MOB1B: variants seen among roughly 807,000 people sequenced by gnomAD.
The protein encoded by MOB1B is MOB1 Mps One Binder homolog B.
In MOB1B, 19 loss-of-function variants were observed where a neutral mutation model predicts 24.4. That is an observed-to-expected ratio of 0.78 (90% CI 0.54 to 1.14). MOB1B has a LOEUF of 1.14. Ranked by LOEUF, MOB1B falls within the 50% of genes most tolerant of loss-of-function variation. The pLI is 0.00. For synonymous variants in MOB1B, 76 were observed against 82.1 expected, an observed-to-expected ratio of 0.93 and a Z score of 0.40; for missense variants, 243 against 259.6, an observed-to-expected ratio of 0.94 and a Z score of 0.44.
chr4:70,919,783 G>A (rs1269176081), intron 1 of MOB1B, among the ~76,000 whole-genome samples: 1 of 152,186 alleles, frequency 6.6e-6, no homozygotes, highest in Non-Finnish European at 1.5e-5. Context: ...ACAGGCGTGA[G>A]CCACCACACC....
intron 3 of MOB1B, among the ~76,000 whole-genome samples, chr4:70,972,523 T>G (rs1738798930): frequency 6.6e-6 from 1 of 152,096 alleles, no homozygotes; most frequent in Non-Finnish European, 1.5e-5. Flanking sequence ...CCTCAGTTAC[T>G]GATTTTTATT....
chr4:70,933,236 G>A (rs545134908), intron 1 of MOB1B, among the ~76,000 whole-genome samples: 23 of 152,198 alleles, frequency 1.5e-4, no homozygotes, highest in South Asian at 6.2e-4. Flanking sequence ...AACAGCAAGC[G>A]GGAAGTCCAT....
intron 1 of MOB1B, among the ~76,000 whole-genome samples, chr4:70,930,001 C>T (rs1225403454): frequency 6.6e-6 from 1 of 152,002 alleles, no homozygotes; most frequent in African/African-American, 2.4e-5. Flanking sequence ...GCAATTCACC[C>T]GTCTCAGCCT....
intron 1 of MOB1B, among the ~76,000 whole-genome samples, chr4:70,910,794 T>C (rs1276617929): frequency 6.6e-6 from 1 of 152,078 alleles, no homozygotes; most frequent in Non-Finnish European, 1.5e-5. Flanking sequence ...GAATCTTTTT[T>C]TTTTTGTTTT....
intron 1 of MOB1B, among the ~76,000 whole-genome samples, chr4:70,954,998 C>T (rs1737981049): frequency 6.6e-6 from 1 of 151,862 alleles, no homozygotes; most frequent in Non-Finnish European, 1.5e-5. Flanking sequence ...GTTGGCCAGG[C>T]TGGTCTCAAA....
intron 1 of MOB1B, among the ~76,000 whole-genome samples, chr4:70,937,651 A>C (rs1737137691): frequency 6.6e-6 from 1 of 151,990 alleles, no homozygotes; most frequent in African/African-American, 2.4e-5. Flanking sequence ...AGCTGGGACT[A>C]CAGGCACGAG....
intron 2 of MOB1B, among the ~76,000 whole-genome samples, chr4:70,965,196 C>T (rs1426569864): frequency 1.4e-5 from 2 of 147,182 alleles, no homozygotes; most frequent in Non-Finnish European, 3.0e-5. Context: ...GCTTGGGAGG[C>T]TGAAGCAGGA....
intron 2 of MOB1B, among the ~76,000 whole-genome samples, chr4:70,964,408 A>T (rs1738432047): frequency 1.3e-5 from 2 of 152,374 alleles, no homozygotes; most frequent in South Asian, 4.1e-4. Context: ...TATGTTTGGA[A>T]AAAGTAAATC....
In MOB1B at chr4:70,909,699, G is replaced by C. The variant is rs531408239; in HGVS notation, c.14+7149G>C. Among the ~76,000 whole-genome samples the C allele has an allele frequency of 1.1e-4, 16 of 152,028 alleles. No individual in the cohort carries two copies. In the South Asian group the frequency reaches 1.9e-3, roughly 18 times the overall value. On this transcript the variant is annotated intron_variant, in intron 1 of 5. Transcript: ENST00000309395. ...TAGTGTAGCTGGAATTTGAGTCCTG[G>C]AAGTCTAGGTCCAGAGATCCTGTCT...
intron 1 of MOB1B, among the ~76,000 whole-genome samples, chr4:70,915,922 C>T (rs1033339044): frequency 7.9e-5 from 12 of 152,000 alleles, no homozygotes; most frequent in Non-Finnish European, 1.6e-4. Context: ...TTGATGGTCT[C>T]TAGGCGAGAG....
intron 1 of MOB1B, among the ~76,000 whole-genome samples, chr4:70,954,841 A>G (rs1737975576): frequency 6.6e-6 from 1 of 151,438 alleles, no homozygotes; most frequent in Admixed American, 6.6e-5. Context: ...ATATGTCTAT[A>G]ATCCCAGCTA....
At chr4:70,958,616 T>G in intron 1 of MOB1B, 3 of 523,406 alleles carry the variant, frequency 5.7e-6, no homozygotes, top group Non-Finnish European at 1.1e-5. Context: ...AACTAAAACA[T>G]CATGGAAGTA....
intron 1 of MOB1B, among the ~76,000 whole-genome samples, chr4:70,911,652 T>C (rs1369792172): frequency 5.9e-5 from 9 of 152,184 alleles, no homozygotes; most frequent in Admixed American, 4.6e-4. Context: ...TTTCTCTAAG[T>C]GTAGTTGCAG....
chr4:70,904,794 G>A (rs549486199), intron 1 of MOB1B, among the ~76,000 whole-genome samples: 46 of 150,078 alleles, frequency 3.1e-4, no homozygotes, highest in African/African-American at 1.2e-3. Flanking sequence ...GCAGGGAAGA[G>A]CCATATTTGG....
At chr4:70,904,002 A>T (rs1441776958) in intron 1 of MOB1B, among the ~76,000 whole-genome samples, 4 of 61,788 alleles carry the variant, frequency 6.5e-5, no homozygotes, top group Non-Finnish European at 9.4e-5. Flanking sequence ...TTTTTTTGAG[A>T]CGGAGTCTCC....
intron 2 of MOB1B, among the ~76,000 whole-genome samples, chr4:70,967,732 A>G (rs1396591750): frequency 6.6e-6 from 1 of 152,180 alleles, no homozygotes; most frequent in Non-Finnish European, 1.5e-5. Flanking sequence ...AAAGGAAAAA[A>G]AATATTAGCA....
chr4:70,936,925 T>A (rs10213369), intron 1 of MOB1B, among the ~76,000 whole-genome samples: 135,996 of 151,594 alleles, frequency 0.9, 61,821 homozygotes, highest in Non-Finnish European at 0.97. Flanking sequence ...TTTTTTTTTT[T>A]AATTTTTTTG....
intron 1 of MOB1B, among the ~76,000 whole-genome samples, chr4:70,906,477 G>C (rs905939930): frequency 6.6e-6 from 1 of 152,164 alleles, no homozygotes; most frequent in Non-Finnish European, 1.5e-5. Flanking sequence ...CTTATGTTCT[G>C]GTAAGTGTCC....
At chr4:70,922,923 C>T (rs1255119990) in intron 1 of MOB1B, among the ~76,000 whole-genome samples, 1 of 152,150 alleles carries the variant, frequency 6.6e-6, no homozygotes. Context: ...GCAATACAAG[C>T]TTGCCAGTTT....
Sources: allele counts gnomAD v4.1 joint callset (sites outside exome capture counted in the v4.1 genomes callset), GRCh38; gene constraint gnomAD v4.1.1; transcripts MANE v1.5; gene names NCBI Gene and HGNC (gene_info 2026-07-23, HGNC 2026-07-21).